TNRC6B: variants seen among roughly 807,000 people sequenced by gnomAD.
TNRC6B encodes the protein trinucleotide repeat containing adaptor 6B, also known as trinucleotide repeat-containing gene 6B protein.
A neutral mutation model predicts 203.6 loss-of-function variants in TNRC6B; 52 were observed. The ratio of observed to expected loss-of-function variants is 0.26; its 90% CI spans 0.20 to 0.32. TNRC6B has a LOEUF of 0.32. TNRC6B is among the 10% of genes least tolerant of loss of function. The pLI, the probability that TNRC6B is intolerant of heterozygous loss-of-function variation, is 1.00. For synonymous variants in TNRC6B, 838 were observed against 845.7 expected (o/e 0.99, Z 0.16); for missense variants, 1,923 against 2,286.2 (o/e 0.84, Z 3.24).
At chr22:40,196,458 C>T (rs867432218) in intron 1 of TNRC6B, among the ~76,000 whole-genome samples, 1 of 152,050 alleles carries the variant, frequency 6.6e-6, no homozygotes, top group Admixed American at 6.6e-5. Context: ...ATGAGTGCCT[C>T]AGTGGTCCAG....
At chr22:40,305,825 G>C (rs1228879450) in intron 15 of TNRC6B, among the ~76,000 whole-genome samples, 2 of 151,946 alleles carry the variant, frequency 1.3e-5, no homozygotes, top group Non-Finnish European at 2.9e-5. Flanking sequence ...GCCTTTCCTT[G>C]CTTGCTTACT....
chr22:40,179,565 C>T (rs573882728), intron 1 of TNRC6B, among the ~76,000 whole-genome samples: 19 of 152,206 alleles, frequency 1.2e-4, no homozygotes, highest in African/African-American at 4.3e-4. Context: ...AATATGTAGA[C>T]GTGGATTAAA....
At chr22:40,313,440 A>C (rs952497898) in intron 19 of TNRC6B, among the ~76,000 whole-genome samples, 2 of 152,210 alleles carry the variant, frequency 1.3e-5, no homozygotes, top group African/African-American at 4.8e-5. Context: ...AGGAAAAAAA[A>C]AAAAGGACCT....
At chr22:40,192,801 C>G (rs992010582) in intron 1 of TNRC6B, among the ~76,000 whole-genome samples, 1 of 152,130 alleles carries the variant, frequency 6.6e-6, no homozygotes, top group Non-Finnish European at 1.5e-5. Context: ...GGATGAACAG[C>G]AGGGGTAGAA....
chr22:40,257,515 G>A (rs1212341274), intron 3 of TNRC6B, among the ~76,000 whole-genome samples: 3 of 152,148 alleles, frequency 2.0e-5, no homozygotes, highest in Middle Eastern at 3.4e-3. Flanking sequence ...TCAGTAGTTC[G>A]AGGCCAGCCT....
intron 2 of TNRC6B, among the ~76,000 whole-genome samples, chr22:40,120,428 G>T (rs2146320196): frequency 1.3e-5 from 2 of 152,202 alleles, no homozygotes; most frequent in South Asian, 4.1e-4. Context: ...TGTGGACTAG[G>T]ATATACATAG....
chr22:40,245,941 A>G (rs926493289), intron 1 of TNRC6B, 74 bp from the exon 2 acceptor site: 1 of 1,200,018 alleles, frequency 8.3e-7, no homozygotes, highest in Non-Finnish European at 1.2e-6. Context: ...CACCACTTAC[A>G]AGCATTCAAT....
intron 12 of TNRC6B, among the ~76,000 whole-genome samples, chr22:40,288,483 T>C (rs2070818674): frequency 6.6e-6 from 1 of 152,002 alleles, no homozygotes; most frequent in Non-Finnish European, 1.5e-5. Flanking sequence ...GGCAGGCAGA[T>C]TGCTTCAGCC....
intron 4 of TNRC6B, among the ~76,000 whole-genome samples, chr22:40,163,176 G>T (rs760748525): frequency 1.6e-4 from 24 of 151,844 alleles, no homozygotes; most frequent in Middle Eastern, 6.8e-3. Context: ...CACTTGGGGA[G>T]GGAGAGATGG....
At chr22:40,171,156 A>ATTTTT (rs747786805) in intron 4 of TNRC6B, among the ~76,000 whole-genome samples, 5 of 124,392 alleles carry the variant, frequency 4.0e-5, no homozygotes, top group African/African-American at 6.1e-5. Context: ...ATAAATGCTA[A>ATTTTT]TTTTTTTTTT....
chr22:40,280,875 T>C (rs1183315535), intron 10 of TNRC6B, among the ~76,000 whole-genome samples: 1 of 152,196 alleles, frequency 6.6e-6, no homozygotes, highest in African/African-American at 2.4e-5. Context: ...ATTTTTATTG[T>C]AATGCAATGG....
chr22:40,304,348 C>T (rs185957611), intron 15 of TNRC6B, among the ~76,000 whole-genome samples: 20 of 152,180 alleles, frequency 1.3e-4, no homozygotes, highest in Admixed American at 5.2e-4. Context: ...AGGTTGAGTG[C>T]GTGGCTCATG....
intron 1 of TNRC6B, among the ~76,000 whole-genome samples, chr22:40,203,981 A>T (rs1052183376): frequency 1.3e-5 from 2 of 152,208 alleles, no homozygotes; most frequent in Non-Finnish European, 2.9e-5. Context: ...TCCCCACCCA[A>T]ATAGCATCAC....
chr22:40,072,132 C>T (rs548567677), intron 1 of TNRC6B, among the ~76,000 whole-genome samples: 49 of 152,228 alleles, frequency 3.2e-4, no homozygotes, highest in African/African-American at 1.1e-3. Context: ...ACTGGGATTA[C>T]AAGATACATT....
intron 1 of TNRC6B, among the ~76,000 whole-genome samples, chr22:40,213,664 C>G (rs1229666939): frequency 6.6e-6 from 1 of 152,064 alleles, no homozygotes; most frequent in Non-Finnish European, 1.5e-5. Flanking sequence ...AGCTAGCATC[C>G]CGTGGTGCAG....
intron 17 of TNRC6B, among the ~76,000 whole-genome samples, chr22:40,311,704 G>A (rs1359389524): frequency 2.0e-5 from 3 of 152,098 alleles, no homozygotes; most frequent in Non-Finnish European, 4.4e-5. Context: ...ACCACGCCTG[G>A]CTAATTTTTT....
intron 1 of TNRC6B, among the ~76,000 whole-genome samples, chr22:40,209,386 C>T (rs1432487051): frequency 6.6e-6 from 1 of 152,132 alleles, no homozygotes; most frequent in Non-Finnish European, 1.5e-5. Context: ...GTTGAAAAGG[C>T]CCAAACCTTT....
chr22:40,287,448 C>A (rs1419094791), intron 12 of TNRC6B, among the ~76,000 whole-genome samples: 1 of 152,158 alleles, frequency 6.6e-6, no homozygotes, highest in Non-Finnish European at 1.5e-5. Context: ...TCTCCACACC[C>A]CTTCCTTGCC....
At chr22:40,217,972 C>CAAAAAA (rs138025) in intron 1 of TNRC6B, among the ~76,000 whole-genome samples, 3 of 112,728 alleles carry the variant, frequency 2.7e-5, no homozygotes, top group Non-Finnish European at 1.7e-5. Context: ...GACTCCATCT[C>CAAAAAA]AAAAAAAAAA....
Sources: gnomAD v4.1 joint callset for allele counts (sites outside exome capture counted in the v4.1 genomes callset) on GRCh38, gnomAD v4.1.1 for gene constraint, MANE v1.5 for transcripts, NCBI Gene and HGNC (gene_info 2026-07-23, HGNC 2026-07-21) for gene names.